The following LARP1B variants were observed in gnomAD, a reference collection of about 807,000 sequenced individuals.
The protein encoded by LARP1B is la-related protein 1B.
LARP1B carries 76 observed loss-of-function variants against 114.2 expected under a neutral mutation model. The ratio of observed to expected loss-of-function variants is 0.67; its 90% CI spans 0.55 to 0.81. The LOEUF (loss-of-function observed/expected upper bound fraction) is 0.81. Among genes scored for constraint, LARP1B ranks in the 30% least tolerant of loss-of-function variants. The pLI is 0.00. For missense variants in LARP1B, 1,014 were observed against 1,075.8 expected, an observed-to-expected ratio of 0.94 and a Z score of 0.80; for synonymous variants, 345 against 348.0, an observed-to-expected ratio of 0.99 and a Z score of 0.10.
chr4:128,162,370 A>G, intron 12 of LARP1B, 53 bp downstream of exon 12: 1 of 1,465,806 alleles, frequency 6.8e-7, no homozygotes, highest in Non-Finnish European at 9.2e-7. Flanking sequence ...AGCAGTTCTG[A>G]ATTGTTTTTA....
At chr4:128,221,577 T>G (rs955679935) in intron 7 of LARP1B, among the ~76,000 whole-genome samples, 5 of 152,236 alleles carry the variant, frequency 3.3e-5, no homozygotes, top group Admixed American at 2.0e-4. Context: ...CCAGATAGTG[T>G]TCCAAGTCTA....
intron 1 of LARP1B, among the ~76,000 whole-genome samples, chr4:128,065,255 T>C (rs1762004021): frequency 3.5e-5 from 2 of 57,476 alleles, no homozygotes; most frequent in African/African-American, 1.1e-4. Flanking sequence ...CACAATTAAT[T>C]TCTTTCTTTC....
chr4:128,127,024 T>G (rs1483809701), intron 11 of LARP1B, among the ~76,000 whole-genome samples: 1 of 152,152 alleles, frequency 6.6e-6, no homozygotes, highest in Non-Finnish European at 1.5e-5. Flanking sequence ...GAAAGAAGAA[T>G]CATTAGACAG....
chr4:128,104,046 G>T (rs978952264), intron 8 of LARP1B, among the ~76,000 whole-genome samples: 2 of 150,494 alleles, frequency 1.3e-5, no homozygotes, highest in African/African-American at 4.9e-5. Flanking sequence ...CTCATGATCT[G>T]CCTGCCTCAG....
Position 128,176,854 on chromosome 4 carries a change from A to G in LARP1B, c.1649-18A>G, listed in dbSNP as rs1278834045. On this transcript the variant is annotated intron_variant, in intron 12 of 19. Coordinates refer to ENST00000326639, the MANE Select transcript of LARP1B (RefSeq NM_018078.4). ...TGCAGACACAGCACAAAAAGGGACT[A>G]ATTAACTCTCTTGGCAGGAGGTGTT... 2 of 1,612,336 alleles carry G rather than the reference A, an allele frequency of 1.2e-6. No homozygotes were observed. Among genetic ancestry groups the G allele is most frequent in the African/African-American group, 2.7e-5 (2 of 75,046 alleles).
intron 11 of LARP1B, among the ~76,000 whole-genome samples, chr4:128,158,007 G>A (rs182840888): frequency 7.2e-5 from 11 of 152,210 alleles, no homozygotes; most frequent in Admixed American, 2.0e-4. Context: ...ACACAACAAC[G>A]CTGGTGTAAC....
intron 11 of LARP1B, chr4:128,155,507 G>C: frequency 1.3e-6 from 1 of 793,160 alleles, no homozygotes; most frequent in East Asian, 2.4e-5. Context: ...CTCGTGCCAA[G>C]GATCAGCAAC....
intron 1 of LARP1B, among the ~76,000 whole-genome samples, chr4:128,063,999 C>G (rs1056066022): frequency 6.6e-6 from 1 of 151,654 alleles, no homozygotes; most frequent in Non-Finnish European, 1.5e-5. Context: ...TGGCTGTGCG[C>G]GGTGGCACAC....
intron 11 of LARP1B, among the ~76,000 whole-genome samples, chr4:128,128,833 G>T (rs1790500840): frequency 6.6e-6 from 1 of 152,056 alleles, no homozygotes; most frequent in Non-Finnish European, 1.5e-5. Context: ...GACAAAATAT[G>T]TACAGGATCT....
chr4:128,068,236 T>C lies in LARP1B; in HGVS notation c.-77-6224T>C, dbSNP rs778694874. Among the ~76,000 whole-genome samples, 8 of 152,092 alleles carry C rather than the reference T, an allele frequency of 5.3e-5. No homozygotes were observed. In the South Asian group the frequency reaches 1.4e-3, roughly 28 times the overall value. ...TGTCACCATGTTGGCCAGGCTGATC[T>C]TGAATTCTGGACCTCAGATGATTGA... On this transcript the variant is annotated intron_variant, in intron 1 of 19. Coordinates refer to ENST00000326639, the MANE Select transcript of LARP1B (RefSeq NM_018078.4).
At chr4:128,180,255 G>A (rs1747899002) in intron 15 of LARP1B, among the ~76,000 whole-genome samples, 2 of 151,994 alleles carry the variant, frequency 1.3e-5, no homozygotes, top group Admixed American at 6.5e-5. Flanking sequence ...CCCAGCCTGT[G>A]TTTCTTAAAA....
intron 15 of LARP1B, among the ~76,000 whole-genome samples, chr4:128,180,116 C>T (rs1229641453): frequency 5.3e-5 from 8 of 151,960 alleles, no homozygotes; most frequent in Non-Finnish European, 8.8e-5. Flanking sequence ...CTTTGTGATG[C>T]TTTTTTTAAA....
chr4:128,210,021 AT>A lies in LARP1B; in HGVS notation c.2716del (p.Ser906HisfsTer28), dbSNP rs1344922396. 1 of 1,614,082 alleles carries A rather than the reference AT, an allele frequency of 6.2e-7. No individual in the cohort carries two copies. The highest frequency in any genetic ancestry group is 1.1e-5 in the South Asian group (1 of 91,078). Reference protein sequence around the residue: ...QVPINSPRRNISPESSDNSH With the variant: ...QVPINSPRRNXSPESSDNSH ...ACCAATAAACTCTCCCAGAAGGAAT[AT>A]TTCACCGGAGTCCAGTGACAATTCA... On this transcript the variant is annotated frameshift_variant, in exon 20 of 20. Transcript: ENST00000326639. LOFTEE classifies it high-confidence loss of function.
intron 12 of LARP1B, among the ~76,000 whole-genome samples, chr4:128,170,054 C>T (rs1248955677): frequency 6.6e-6 from 1 of 151,772 alleles, no homozygotes; most frequent in Non-Finnish European, 1.5e-5. Context: ...TTGAGACTTC[C>T]TCTTTATGGA....
At position 128,091,092 on chromosome 4, in the gene LARP1B, TCGAGGAAGAGGCCGAGGA is replaced by T. The variant is rs1170524568; in HGVS notation, c.453_470del (p.Arg159_Gly164del). On this transcript the variant is annotated inframe_deletion, in exon 6 of 20. Transcript: ENST00000326639. ...GTAATATCCGAGGTTCCTTTAGAGG[TCGAGGAAGAGGCCGAGGA>T]CGGGGAAGAGGACGAGGCAGAGGAA... The T allele has an allele frequency of 1.2e-6, 2 of 1,613,844 alleles. No individual in the cohort carries two copies. The highest frequency in any genetic ancestry group is 1.1e-5 in the South Asian group (1 of 91,056).
At chr4:128,078,983 C>G (rs945368991) in intron 4 of LARP1B, among the ~76,000 whole-genome samples, 46 of 152,140 alleles carry the variant, frequency 3.0e-4, no homozygotes, top group African/African-American at 1.0e-3. Context: ...AACCAAGATT[C>G]TCTGGAGGTG....
rs7665531 is a variant in LARP1B, at chr4:128,176,746, A to G, written c.1649-126A>G. The G allele has an allele frequency of 1.1e-3, 865 of 817,002 alleles. 7 individuals carry two copies. The African/African-American group carries it at 0.011, about 10-fold the overall frequency. The allele number at this position is 817,002 out of a possible 1,614,324, so 50.6% of individuals were successfully genotyped here. A position where few individuals can be genotyped will look rare whatever the true frequency, so the allele number is the denominator to read the frequency against. ...TGTGGTAGTTGCTTTCTGGGAAGCA[A>G]TGAGACTTACTCTTGGCATCTATGG... On this transcript the variant is annotated intron_variant, in intron 12 of 19. Transcript: ENST00000326639.
At chr4:128,094,167 C>T (rs923282507) in intron 7 of LARP1B, among the ~76,000 whole-genome samples, 5 of 152,030 alleles carry the variant, frequency 3.3e-5, no homozygotes, top group African/African-American at 4.8e-5. Context: ...CCTTGTGATC[C>T]GCCGTCCTCG....
chr4:128,082,581 T>C (rs1028465364), intron 5 of LARP1B, among the ~76,000 whole-genome samples: 3 of 152,136 alleles, frequency 2.0e-5, no homozygotes, highest in South Asian at 2.1e-4. Context: ...CAAGGATCCA[T>C]TCTGGGATCA....
Sources: gnomAD v4.1 joint callset for allele counts (sites outside exome capture counted in the v4.1 genomes callset) on GRCh38, gnomAD v4.1.1 for gene constraint, MANE v1.5 for transcripts, NCBI Gene and HGNC (gene_info 2026-07-23, HGNC 2026-07-21) for gene names.